Variants in KIF5B observed in about 807,000 individuals in gnomAD.
KIF5B encodes the protein kinesin family member 5B.
In KIF5B, 49 loss-of-function variants were observed where a neutral mutation model predicts 132.8. That is an observed-to-expected ratio of 0.37 (90% CI 0.29 to 0.47). The LOEUF is 0.47. Ranked by LOEUF, KIF5B falls within the 20% of genes least tolerant of loss-of-function variation. The pLI is 1.00. For synonymous variants in KIF5B, 355 were observed against 369.4 expected, an observed-to-expected ratio of 0.96 and a Z score of 0.45; for missense variants, 780 against 1,144.0, an observed-to-expected ratio of 0.68 and a Z score of 4.59.
chr10:32,017,953 A>G, intron 23 of KIF5B, 99 bp downstream of exon 23: 1 of 576,262 alleles, frequency 1.7e-6, no homozygotes, highest in Non-Finnish European at 3.0e-6. Flanking sequence ...AGGGTATAAA[A>G]ATTCCTGAGG....
intron 2 of KIF5B, 66 bp from the exon 3 acceptor site, chr10:32,040,523 A>C: frequency 1.1e-6 from 1 of 884,000 alleles, no homozygotes; most frequent in Non-Finnish European, 1.9e-6. Context: ...GAAATTACTT[A>C]AACTACAGGA....
intron 13 of KIF5B, among the ~76,000 whole-genome samples, chr10:32,032,352 A>C (rs1028257581): frequency 6.6e-6 from 1 of 152,178 alleles, no homozygotes; most frequent in African/African-American, 2.4e-5. Flanking sequence ...TTTCTTACCG[A>C]AGCAGTCTTT....
intron 2 of KIF5B, among the ~76,000 whole-genome samples, chr10:32,041,758 G>GA (rs1419518602): frequency 2.0e-5 from 3 of 152,142 alleles, no homozygotes; most frequent in Non-Finnish European, 4.4e-5. Context: ...AAGTAGCCAG[G>GA]ACTAGAGGCA....
chr10:32,035,883 T>TA lies in KIF5B; in HGVS notation c.816+6dup. The stretch of plus-strand genomic sequence containing the variant: ...GTAACAGGGAGATAGAAGACATGTA[T>TA]ACTCACACTACCCTCAGCCAAAGCA... On this transcript the variant is annotated splice_region_variant and intron_variant, in intron 9 of 25. Transcript: ENST00000302418. The TA allele has an allele frequency of 6.2e-7, 1 of 1,601,862 alleles. No homozygotes were observed. The highest frequency in any genetic ancestry group is 8.5e-7 in the Non-Finnish European group (1 of 1,172,814).
intron 2 of KIF5B, among the ~76,000 whole-genome samples, chr10:32,042,312 A>G (rs1267483308): frequency 6.6e-6 from 1 of 152,232 alleles, no homozygotes. Context: ...GAAGATTTTA[A>G]GAGACTCCAA....
chr10:32,031,572 C>T (rs1655164988), intron 13 of KIF5B, among the ~76,000 whole-genome samples: 3 of 152,052 alleles, frequency 2.0e-5, no homozygotes, highest in Admixed American at 2.0e-4. Context: ...AAGAGAGGGA[C>T]AGGACAGATA....
chr10:32,025,956 T>C (rs1012142649), intron 15 of KIF5B, among the ~76,000 whole-genome samples: 1 of 152,188 alleles, frequency 6.6e-6, no homozygotes, highest in African/African-American at 2.4e-5. Context: ...ACATCAGTGG[T>C]TGCCAGAAGT....
intron 15 of KIF5B, among the ~76,000 whole-genome samples, chr10:32,027,432 A>C (rs211359): frequency 0.21 from 32,223 of 152,024 alleles, 3,607 homozygotes; most frequent in Non-Finnish European, 0.25. Context: ...GAAAATATGG[A>C]CATATTTTGA....
In KIF5B at chr10:32,038,846, A is replaced by C. The variant is rs1363843909; in HGVS notation, c.394-20T>G. The C allele has an allele frequency of 3.5e-6, 5 of 1,442,862 alleles. No individual in the cohort carries two copies. The Admixed American group carries it at 9.2e-5, about 26-fold the overall frequency. 89.4% of individuals were successfully genotyped at this position (1,442,862 alleles called of 1,614,324 possible). A position where few individuals can be genotyped will look rare whatever the true frequency, so the allele number is the denominator to read the frequency against. On this transcript the variant is annotated intron_variant, in intron 4 of 25. Transcript: ENST00000302418. ...TGAAACCTAAAGGGCAAATTTAAAA[A>C]AACACCGATCAACTAAAGTTATATA...
In KIF5B at chr10:32,037,532, CAT is replaced by C. The variant is rs1433589396; in HGVS notation, c.572_573del (p.His191ArgfsTer8). The C allele has an allele frequency of 1.2e-6, 2 of 1,611,660 alleles. No homozygotes were observed. The highest frequency in any genetic ancestry group is 1.7e-6 in the Non-Finnish European group (2 of 1,177,914). On this transcript the variant is annotated frameshift_variant, in exon 7 of 26. Coordinates refer to ENST00000302418, the MANE Select transcript of KIF5B (RefSeq NM_004521.3). LOFTEE classifies it high-confidence loss of function. Reference protein sequence around the residue: ...DTIDEGKSNRHVAVTNMNEHS... With the variant: ...DTIDEGKSNRXVAVTNMNEHS... ...ATTTTCTACTTACTTGTAACTGCTA[CAT>C]GTCTGTTGGATTTTCCTTCATCTAT...
rs1270738901 is a variant in KIF5B at position 32,056,205 on chromosome 10, G to C, written c.-232C>G. On this transcript the variant is annotated 5_prime_UTR_variant, in exon 1 of 26. Transcript: ENST00000302418. ...CCGATCCATCATGGCAGCCATGGCG[G>C]CGGCAGCGGCGGCGGCACCGGGGAG... The C allele has an allele frequency of 2.0e-6, 1 of 504,978 alleles. No individual in the cohort carries two copies. The highest frequency in any genetic ancestry group is 3.4e-6 in the Non-Finnish European group (1 of 291,948). 31.3% of individuals were successfully genotyped at this position (504,978 alleles called of 1,614,324 possible).
chr10:32,037,886 C>T (rs1463020990), intron 6 of KIF5B, among the ~76,000 whole-genome samples: 5 of 151,492 alleles, frequency 3.3e-5, no homozygotes, highest in Non-Finnish European at 5.9e-5. Context: ...CAGAGGCGGG[C>T]GGATCACGAG....
In KIF5B at chr10:32,037,202, C is replaced by T. The variant is rs567451375; in HGVS notation, c.711+52G>A. On this transcript the variant is annotated intron_variant, in intron 8 of 25. Coordinates refer to ENST00000302418, the MANE Select transcript of KIF5B (RefSeq NM_004521.3). Reference sequence around the variant, plus strand: ...AACCCTGCGTAACTCCCAACTCAAACTAAAGTTTACAAAGATGCTTAAATA... The same window carrying T: ...AACCCTGCGTAACTCCCAACTCAAATTAAAGTTTACAAAGATGCTTAAATA... 166 of 1,567,466 alleles carry T rather than the reference C, an allele frequency of 1.1e-4. 1 individual carries two copies. The East Asian group carries it at 3.2e-3, about 30-fold the overall frequency.
In KIF5B at chr10:32,018,532, T is replaced by G; in HGVS notation, c.2337A>C (p.Arg779Ser). The change falls in exon 21 of 26, where the codon AGA becomes AGC. Residue 779 changes from arginine (R) to serine (S), a missense_variant. By Grantham distance (110) the Arg-to-Ser change is moderately radical. Transcript: ENST00000302418. ...TCTCTTCCAAACCCTTCAAGTCTTG[T>G]CTTGCTTGTTCTCGTCTATCTTGCA... Reference protein sequence around the residue: ...TVMQDRREQARQDLKGLEETV... With the variant: ...TVMQDRREQASQDLKGLEETV... The G allele has an allele frequency of 6.2e-7, 1 of 1,613,502 alleles. No individual in the cohort carries two copies. Among genetic ancestry groups the G allele is most frequent in the Non-Finnish European group, 8.5e-7 (1 of 1,179,604 alleles).
chr10:32,030,538 A>G (rs992441435), intron 14 of KIF5B, among the ~76,000 whole-genome samples: 1 of 151,450 alleles, frequency 6.6e-6, no homozygotes, highest in Non-Finnish European at 1.5e-5. Flanking sequence ...AAAAATCTCC[A>G]TCTATTGGGA....
chr10:32,040,747 A>T (rs1218527116), intron 2 of KIF5B, among the ~76,000 whole-genome samples: 1 of 151,884 alleles, frequency 6.6e-6, no homozygotes, highest in Non-Finnish European at 1.5e-5. Context: ...TAATCACAGC[A>T]CTTTGGGAGG....
At chr10:32,034,647 C>G (rs1389116456) in intron 11 of KIF5B, 43 bp downstream of exon 11, 1 of 1,442,192 alleles carries the variant, frequency 6.9e-7, no homozygotes, top group Non-Finnish European at 9.2e-7. Flanking sequence ...TGCTCTAAAT[C>G]TGTATTTAAC....
At chr10:32,040,657 A>ACACACACACACCC (rs370537671) in intron 2 of KIF5B, among the ~76,000 whole-genome samples, 200 bp from the exon 3 acceptor site, 43 of 137,692 alleles carry the variant, frequency 3.1e-4, no homozygotes, top group African/African-American at 7.2e-4. Context: ...ACACACACAC[A>ACACACACACACCC]CCCTCTTCCT....
chr10:32,042,202 GA>G lies in KIF5B; in HGVS notation c.215-1746del, dbSNP rs576602273. Among the ~76,000 whole-genome samples the G allele has an allele frequency of 3.5e-3, 517 of 149,502 alleles. 4 individuals are homozygous for G. Among genetic ancestry groups the G allele is most frequent in the African/African-American group, 0.012 (472 of 40,808 alleles). On this transcript the variant is annotated intron_variant, in intron 2 of 25. Transcript: ENST00000302418. Reference sequence around the variant, plus strand: ...TTGTTTTTATTCATTATTTTAAAAAGAAAAAAAAACCCCAACATGGGCACAA... The same window carrying G: ...TTGTTTTTATTCATTATTTTAAAAAGAAAAAAAACCCCAACATGGGCACAA...
Sources: gnomAD v4.1 joint callset for allele counts (sites outside exome capture counted in the v4.1 genomes callset) on GRCh38, gnomAD v4.1.1 for gene constraint, MANE v1.5 for transcripts, NCBI Gene and HGNC (gene_info 2026-07-23, HGNC 2026-07-21) for gene names.